Variants in GALNTL6 observed in about 807,000 individuals in gnomAD.
The protein encoded by GALNTL6 is polypeptide N-acetylgalactosaminyltransferase-like 6.
GALNTL6 carries 46 observed loss-of-function variants against 73.7 expected under a neutral mutation model. That is an observed-to-expected ratio of 0.62 (90% confidence interval 0.49 to 0.80). The LOEUF is 0.80. Among genes scored for constraint, GALNTL6 ranks in the 30% least tolerant of loss-of-function variants. The pLI is 0.00. For missense variants in GALNTL6, 604 were observed against 755.0 expected (o/e 0.80, Z 2.34); for synonymous variants, 259 against 263.7 (o/e 0.98, Z 0.17).
chr4:172,959,097 C>T (rs150557975), intron 10 of GALNTL6, among the ~76,000 whole-genome samples: 5,573 of 152,028 alleles, frequency 0.037, 139 homozygotes, highest in Non-Finnish European at 0.058. Context: ...TTTTAAAGTG[C>T]GCTGCGGGAT....
At chr4:172,565,649 G>A (rs779061811) in intron 5 of GALNTL6, among the ~76,000 whole-genome samples, 1 of 152,130 alleles carries the variant, frequency 6.6e-6, no homozygotes, top group Non-Finnish European at 1.5e-5. Flanking sequence ...CTCTTCTTCA[G>A]ATTTTTTCAG....
intron 2 of GALNTL6, among the ~76,000 whole-genome samples, chr4:171,834,842 AG>A (rs1394730275): frequency 3.3e-5 from 5 of 151,978 alleles, no homozygotes; most frequent in African/African-American, 4.8e-5. Flanking sequence ...CTGATGAACC[AG>A]GGGGAGGAGT....
chr4:172,441,818 T>C (rs1472561880), intron 5 of GALNTL6, among the ~76,000 whole-genome samples: 1 of 152,136 alleles, frequency 6.6e-6, no homozygotes, highest in African/African-American at 2.4e-5. Flanking sequence ...CAGCAAGTGC[T>C]ACAGTAACGT....
At chr4:172,695,427 T>A (rs1733623615) in intron 5 of GALNTL6, among the ~76,000 whole-genome samples, 1 of 152,226 alleles carries the variant, frequency 6.6e-6, no homozygotes, top group Non-Finnish European at 1.5e-5. Context: ...CTATCATAGA[T>A]CTTGAGATAA....
intron 5 of GALNTL6, among the ~76,000 whole-genome samples, chr4:172,416,952 G>T (rs549991077): frequency 2.0e-5 from 3 of 152,038 alleles, no homozygotes; most frequent in African/African-American, 4.8e-5. Flanking sequence ...CTACCATAAA[G>T]GTTTCAGTCC....
intron 5 of GALNTL6, among the ~76,000 whole-genome samples, chr4:172,784,916 G>A (rs1009920310): frequency 6.6e-6 from 1 of 152,040 alleles, no homozygotes; most frequent in South Asian, 2.1e-4. Flanking sequence ...AGATGCAAAG[G>A]AACCCATCCT....
chr4:172,644,978 T>C (rs1740171755), intron 5 of GALNTL6, among the ~76,000 whole-genome samples: 1 of 152,018 alleles, frequency 6.6e-6, no homozygotes. Context: ...ATATGCATAA[T>C]GAATGTTTAA....
chr4:172,333,827 G>A (rs187474483), intron 4 of GALNTL6, among the ~76,000 whole-genome samples: 1 of 152,240 alleles, frequency 6.6e-6, no homozygotes, highest in East Asian at 1.9e-4. Flanking sequence ...GGGAGCTTAT[G>A]TTTAAGTCTT....
chr4:171,892,699 C>T (rs1736796398), intron 2 of GALNTL6, among the ~76,000 whole-genome samples: 1 of 152,066 alleles, frequency 6.6e-6, no homozygotes, highest in East Asian at 1.9e-4. Context: ...GTAGCTGTCA[C>T]TACACTTTAT....
At chr4:172,399,503 AC>A (rs1323879807) in intron 5 of GALNTL6, among the ~76,000 whole-genome samples, 1 of 99,110 alleles carries the variant, frequency 1.0e-5, no homozygotes, top group Non-Finnish European at 2.9e-5. Context: ...AGTAGTAGCC[AC>A]TGAGTAGTAT....
chr4:172,448,245 A>G (rs1732096880), intron 5 of GALNTL6, among the ~76,000 whole-genome samples: 1 of 152,184 alleles, frequency 6.6e-6, no homozygotes, highest in South Asian at 2.1e-4. Flanking sequence ...TCCAGAAAAC[A>G]TATTTGTTAT....
chr4:172,431,944 T>A (rs1267557381), intron 5 of GALNTL6, among the ~76,000 whole-genome samples: 1 of 152,174 alleles, frequency 6.6e-6, no homozygotes, highest in Non-Finnish European at 1.5e-5. Context: ...AATTCTCTCC[T>A]GGCATGTGAC....
At chr4:172,412,183 A>G (rs1362574772) in intron 5 of GALNTL6, among the ~76,000 whole-genome samples, 1 of 152,038 alleles carries the variant, frequency 6.6e-6, no homozygotes, top group Non-Finnish European at 1.5e-5. Flanking sequence ...GCCTAAGACT[A>G]CAGATTCATG....
At chr4:171,967,500 A>C (rs892712639) in intron 2 of GALNTL6, among the ~76,000 whole-genome samples, 33 of 136,514 alleles carry the variant, frequency 2.4e-4, no homozygotes, top group Non-Finnish European at 9.2e-5. Context: ...TTATTCTCAG[A>C]GAAAATATAT....
intron 2 of GALNTL6, among the ~76,000 whole-genome samples, chr4:172,078,460 C>G (rs1731779690): frequency 6.6e-6 from 1 of 152,080 alleles, no homozygotes; most frequent in Admixed American, 6.6e-5. Flanking sequence ...GTCTCAGGTA[C>G]TATTTAACAG....
At chr4:171,927,928 T>C (rs758235592) in intron 2 of GALNTL6, among the ~76,000 whole-genome samples, 11 of 152,182 alleles carry the variant, frequency 7.2e-5, no homozygotes, top group Non-Finnish European at 1.0e-4. Context: ...CACTCGTCAT[T>C]ACCTATCTAT....
intron 2 of GALNTL6, among the ~76,000 whole-genome samples, chr4:171,913,376 G>A (rs989123554): frequency 3.5e-4 from 54 of 152,178 alleles, no homozygotes; most frequent in African/African-American, 1.2e-3. Context: ...CTAAGTGGCT[G>A]TGTCTTGTAG....
intron 7 of GALNTL6, among the ~76,000 whole-genome samples, chr4:172,818,192 T>A (rs1741718095): frequency 6.6e-6 from 1 of 152,210 alleles, no homozygotes; most frequent in East Asian, 1.9e-4. Flanking sequence ...ATCCAGTATA[T>A]CAGGTACCCA....
chr4:173,032,256 T>C (rs1753492361), intron 12 of GALNTL6, among the ~76,000 whole-genome samples: 1 of 152,170 alleles, frequency 6.6e-6, no homozygotes, highest in East Asian at 1.9e-4. Context: ...AAGACCATCC[T>C]GGCTAACACG....
Sources: gnomAD v4.1 joint callset for allele counts (sites outside exome capture counted in the v4.1 genomes callset) on GRCh38, gnomAD v4.1.1 for gene constraint, MANE v1.5 for transcripts, NCBI Gene and HGNC (gene_info 2026-07-23, HGNC 2026-07-21) for gene names.